RAP1GAP2: variants seen among roughly 807,000 people sequenced by gnomAD.
The protein encoded by RAP1GAP2 is RAP1 GTPase activating protein 2, also known as rap1 GTPase-activating protein 2.
In RAP1GAP2, 27 loss-of-function variants were observed where a neutral mutation model predicts 95.0. The observed-to-expected ratio is 0.28, with a 90% CI of 0.21 to 0.39. The LOEUF (loss-of-function observed/expected upper bound fraction) is 0.39, where lower values mean the gene tolerates loss of function less well. Ranked by LOEUF, RAP1GAP2 falls within the 10% of genes least tolerant of loss-of-function variation. RAP1GAP2 has a pLI of 1.00. For missense variants in RAP1GAP2, 771 were observed against 970.0 expected (o/e 0.79, Z 2.72); for synonymous variants, 373 against 380.9 (o/e 0.98, Z 0.24).
At chr17:2,859,213 C>G (rs1174103281) in intron 2 of RAP1GAP2, among the ~76,000 whole-genome samples, 1 of 150,100 alleles carries the variant, frequency 6.7e-6, no homozygotes, top group African/African-American at 2.5e-5. Flanking sequence ...TGGTTTCAAG[C>G]CATTCTCGGG....
intron 2 of RAP1GAP2, among the ~76,000 whole-genome samples, chr17:2,811,031 TG>T (rs897914430): frequency 5.9e-5 from 9 of 152,084 alleles, no homozygotes; most frequent in African/African-American, 1.9e-4. Context: ...TCTTGACCCT[TG>T]GCCCGCACGT....
At chr17:2,997,922 CAAAA>C (rs1313908992) in intron 13 of RAP1GAP2, among the ~76,000 whole-genome samples, 1 of 67,718 alleles carries the variant, frequency 1.5e-5, no homozygotes, top group Non-Finnish European at 3.0e-5. Flanking sequence ...GACCCTGTCT[CAAAA>C]AAAAAAAAAA....
chr17:2,768,688 G>A (rs1166614610), intron 1 of RAP1GAP2, among the ~76,000 whole-genome samples: 2 of 83,368 alleles, frequency 2.4e-5, no homozygotes, highest in East Asian at 2.9e-4. Flanking sequence ...GCGAAACTCT[G>A]TCTCAAAAAA....
chr17:2,846,893 A>G (rs563379907), intron 2 of RAP1GAP2, among the ~76,000 whole-genome samples: 19 of 152,154 alleles, frequency 1.2e-4, no homozygotes, highest in Admixed American at 9.2e-4. Context: ...TCTCCTCTCA[A>G]TGGCCTGTCA....
chr17:2,874,162 A>T (rs558363918), intron 2 of RAP1GAP2, among the ~76,000 whole-genome samples: 2 of 152,232 alleles, frequency 1.3e-5, no homozygotes, highest in African/African-American at 4.8e-5. Context: ...AGTGTGGATA[A>T]TAAAAGAGTC....
intron 8 of RAP1GAP2, among the ~76,000 whole-genome samples, chr17:2,978,449 G>C (rs1432702955): frequency 1.3e-5 from 2 of 152,004 alleles, no homozygotes; most frequent in Non-Finnish European, 2.9e-5. Flanking sequence ...TGGACAAAGG[G>C]AAAATTCATG....
intron 2 of RAP1GAP2, among the ~76,000 whole-genome samples, chr17:2,771,479 C>CTTTTTTT (rs775623366): frequency 7.6e-6 from 1 of 131,786 alleles, no homozygotes; most frequent in African/African-American, 3.0e-5. Flanking sequence ...ATCAAAGCCA[C>CTTTTTTT]TTTTTTGTTT....
At chr17:2,854,230 G>A in intron 2 of RAP1GAP2, 3 of 864,620 alleles carry the variant, frequency 3.5e-6, no homozygotes, top group African/African-American at 1.8e-5. Context: ...TCCAGGTACC[G>A]TCGTGCGAAC....
At chr17:2,822,435 A>G (rs2070342834) in intron 2 of RAP1GAP2, among the ~76,000 whole-genome samples, 1 of 151,926 alleles carries the variant, frequency 6.6e-6, no homozygotes, top group Admixed American at 6.6e-5. Flanking sequence ...TAGCCTGGGC[A>G]ACATGGTGAA....
chr17:2,874,342 T>G (rs1173912839), intron 2 of RAP1GAP2, among the ~76,000 whole-genome samples: 2 of 152,156 alleles, frequency 1.3e-5, no homozygotes. Context: ...GGTTGGAATT[T>G]CAGAAAAATT....
At position 3,001,859 on chromosome 17, in the gene RAP1GAP2, C is replaced by T. The variant is rs77698953; in HGVS notation, c.1200+3483C>T. On this transcript the variant is annotated intron_variant, in intron 14 of 24. Coordinates refer to ENST00000254695, the MANE Select transcript of RAP1GAP2 (RefSeq NM_015085.5). The stretch of plus-strand genomic sequence containing the variant: ...CAGCTAACCAGCTTCTCCACTTTCC[C>T]GAGACCTTAGCCGAGTGGTGCACTC... 5.7e-3 allele frequency among the ~76,000 whole-genome samples: 862 copies of T among 152,228 alleles called. 9 individuals are homozygous for T. Among genetic ancestry groups the T allele is most frequent in the East Asian group, 0.042 (217 of 5,188 alleles).
intron 1 of RAP1GAP2, among the ~76,000 whole-genome samples, chr17:2,761,979 C>CT (rs901487276): frequency 0.049 from 3,797 of 77,738 alleles, 854 homozygotes; most frequent in East Asian, 0.11. Context: ...GTTTATATAT[C>CT]TTTTTTTTTT....
At chr17:2,927,340 A>T (rs536719290) in intron 3 of RAP1GAP2, among the ~76,000 whole-genome samples, 305 of 151,024 alleles carry the variant, frequency 2.0e-3, no homozygotes, top group Admixed American at 3.9e-3. Context: ...TTTTTAGTAG[A>T]GACGGGGTTT....
chr17:2,916,810 G>C (rs930650130), intron 3 of RAP1GAP2, among the ~76,000 whole-genome samples: 3 of 152,190 alleles, frequency 2.0e-5, no homozygotes, highest in Non-Finnish European at 4.4e-5. Flanking sequence ...CACAGTCAGG[G>C]CTTCTCTCTA....
intron 3 of RAP1GAP2, among the ~76,000 whole-genome samples, chr17:2,951,007 C>T (rs1353084131): frequency 6.6e-6 from 1 of 152,148 alleles, no homozygotes; most frequent in African/African-American, 2.4e-5. Context: ...GCCCACTCCC[C>T]AGACCTGGGC....
chr17:2,761,046 CG>C (rs2071236884), intron 1 of RAP1GAP2, among the ~76,000 whole-genome samples: 1 of 151,584 alleles, frequency 6.6e-6, no homozygotes, highest in Non-Finnish European at 1.5e-5. Flanking sequence ...CCTCCGCCTC[CG>C]GGGTTCAAGC....
At chr17:3,012,823 C>A (rs9908715) in intron 17 of RAP1GAP2, among the ~76,000 whole-genome samples, 85,526 of 151,842 alleles carry the variant, frequency 0.56, 24,316 homozygotes, top group South Asian at 0.63. Flanking sequence ...TTGAACGATG[C>A]TGATCTCTAG....
intron 2 of RAP1GAP2, among the ~76,000 whole-genome samples, chr17:2,869,048 CAG>C (rs1415827365): frequency 2.6e-5 from 4 of 152,128 alleles, no homozygotes; most frequent in Admixed American, 1.3e-4. Flanking sequence ...AGGGAGCTCT[CAG>C]GGGCCTCTTT....
At chr17:2,820,157 C>A (rs1409327171) in intron 2 of RAP1GAP2, among the ~76,000 whole-genome samples, 1 of 152,070 alleles carries the variant, frequency 6.6e-6, no homozygotes, top group Non-Finnish European at 1.5e-5. Flanking sequence ...CCATTGATCC[C>A]CTCTTGCTGG....
Sources: gnomAD v4.1 joint callset for allele counts (sites outside exome capture counted in the v4.1 genomes callset) on GRCh38, gnomAD v4.1.1 for gene constraint, MANE v1.5 for transcripts, NCBI Gene and HGNC (gene_info 2026-07-23, HGNC 2026-07-21) for gene names.